The following ZSWIM4 variants were observed in gnomAD, a reference collection of about 807,000 sequenced individuals.
The protein encoded by ZSWIM4 is zinc finger SWIM domain-containing protein 4.
ZSWIM4 carries 62 observed loss-of-function variants against 102.5 expected under a neutral mutation model. The ratio of observed to expected loss-of-function variants is 0.60; its 90% CI spans 0.49 to 0.75. ZSWIM4 has a LOEUF of 0.75. ZSWIM4 is among the 30% of genes least tolerant of loss of function. The pLI, the probability that ZSWIM4 is intolerant of heterozygous loss-of-function variation, is 0.00. For missense variants in ZSWIM4, 1,280 were observed against 1,529.6 expected (o/e 0.84, Z 2.72); for synonymous variants, 652 against 674.5 (o/e 0.97, Z 0.52).
At position 13,814,831 on chromosome 19, in the gene ZSWIM4, G is replaced by C. The variant is rs2145323903; in HGVS notation, c.1497G>C (p.Arg499=). 1.6e-6 allele frequency: 2 copies of C among 1,271,152 alleles called. No homozygotes were observed. The highest frequency in any genetic ancestry group is 1.2e-5 in the South Asian group (1 of 80,206). 78.7% of individuals were successfully genotyped at this position (1,271,152 alleles called of 1,614,324 possible). A position where few individuals can be genotyped will look rare whatever the true frequency, so the allele number is the denominator to read the frequency against. The change falls in exon 7 of 14, where the codon CGG becomes CGC. Residue 499 remains arginine, a synonymous_variant. Transcript: ENST00000590508. The part of the protein sequence containing the change: ...AIINTLRLQQ[R]HQLESYKQQK... ...TCAACACACTCCGGCTGCAGCAGCG[G>C]CATCAGCTAGAGAGCTACAAGCAGC...
chr19:13,817,337 A>G lies in ZSWIM4; in HGVS notation c.1653A>G (p.Thr551=). The change falls in exon 8 of 14, where the codon ACA becomes ACG. Residue 551 remains threonine (T), a synonymous_variant. Transcript: ENST00000590508. ...LLEACRLEEE[T]LTLYPDSGPE... ...AGGCCTGTCGTCTGGAGGAGGAGAC[A>G]CTTACCCTTTACCCAGGTACTCACA... The G allele has an allele frequency of 1.2e-6, 2 of 1,613,610 alleles. No individual in the cohort carries two copies. The highest frequency in any genetic ancestry group is 1.7e-6 in the Non-Finnish European group (2 of 1,179,690).
Position 13,830,870 on chromosome 19 carries a change from C to T in ZSWIM4, c.3141C>T (p.Arg1047=). ...VTAYITTSHS[R]LTHISPRHYG... is the part of the protein sequence containing the mutation. ...CCTACATCACCACCAGCCACTCGCGCCTCACGCACATCAGCCCGCGGCACT... is the reference window on the plus strand; with the variant it reads ...CCTACATCACCACCAGCCACTCGCGTCTCACGCACATCAGCCCGCGGCACT... The change falls in exon 14 of 14, where the codon CGC becomes CGT. Residue 1047 remains arginine (R), a synonymous_variant. Transcript: ENST00000590508. The T allele has an allele frequency of 6.2e-7, 1 of 1,614,064 alleles. No individual in the cohort carries two copies. Among genetic ancestry groups the T allele is most frequent in the Non-Finnish European group, 8.5e-7 (1 of 1,179,950 alleles).
intron 1 of ZSWIM4, among the ~76,000 whole-genome samples, chr19:13,798,551 T>C (rs1974670217): frequency 6.6e-6 from 1 of 152,184 alleles, no homozygotes. Context: ...GCTAGGAGGA[T>C]CCAGGAGGGA....
At chr19:13,826,645 A>G (rs188949909) in intron 12 of ZSWIM4, among the ~76,000 whole-genome samples, 77 of 152,232 alleles carry the variant, frequency 5.1e-4, no homozygotes, top group African/African-American at 1.8e-3. Context: ...CGCGCCTGTA[A>G]TCCCAGCTAC....
chr19:13,803,509 C>G (rs1260241142), intron 2 of ZSWIM4, among the ~76,000 whole-genome samples: 1 of 151,902 alleles, frequency 6.6e-6, no homozygotes, highest in Non-Finnish European at 1.5e-5. Context: ...GGGCTGGGCT[C>G]GGTGGCTCGC....
At chr19:13,811,528 TCAA>T (rs1381829689) in intron 5 of ZSWIM4, among the ~76,000 whole-genome samples, 1 of 151,582 alleles carries the variant, frequency 6.6e-6, no homozygotes, top group Non-Finnish European at 1.5e-5. Context: ...AGACCCTGTC[TCAA>T]CAACAACAAA....
chr19:13,799,300 G>A (rs1472835875), intron 1 of ZSWIM4, among the ~76,000 whole-genome samples: 2 of 135,126 alleles, frequency 1.5e-5, no homozygotes, highest in Non-Finnish European at 3.1e-5. Context: ...TCGAGATGCA[G>A]TCTTGCTCTG....
chr19:13,819,535 G>GGGT, intron 10 of ZSWIM4, 43 bp downstream of exon 10: 2 of 1,317,902 alleles, frequency 1.5e-6, no homozygotes, highest in African/African-American at 1.5e-5. Flanking sequence ...GAGCTGGGGG[G>GGGT]AAGAGGGGCG....
chr19:13,803,904 C>G (rs892232430), intron 2 of ZSWIM4, among the ~76,000 whole-genome samples: 2 of 150,524 alleles, frequency 1.3e-5, no homozygotes, highest in African/African-American at 4.9e-5. Context: ...TTCTGTTACC[C>G]AGGCTGGAGT....
At chr19:13,826,052 G>GT (rs1047694861) in intron 12 of ZSWIM4, among the ~76,000 whole-genome samples, 2 of 152,180 alleles carry the variant, frequency 1.3e-5, no homozygotes, top group African/African-American at 4.8e-5. Context: ...GGGCCTGAGT[G>GT]TGAACCTCAC....
intron 13 of ZSWIM4, among the ~76,000 whole-genome samples, chr19:13,828,960 C>T (rs901464343): frequency 6.6e-6 from 1 of 151,836 alleles, no homozygotes; most frequent in African/African-American, 2.4e-5. Context: ...ATTAGCTGGG[C>T]GTGGTGGCAA....
At chr19:13,818,564 T>C (rs1463800466) in intron 9 of ZSWIM4, among the ~76,000 whole-genome samples, 1 of 152,114 alleles carries the variant, frequency 6.6e-6, no homozygotes, top group Non-Finnish European at 1.5e-5. Context: ...TTCCTTTTCC[T>C]TTTTTCCTTT....
In ZSWIM4 at chr19:13,830,959, A is replaced by G; in HGVS notation, c.3230A>G (p.His1077Arg). Residue 1077 changes from histidine to arginine, a missense_variant, in exon 14 of 14, where the codon CAC becomes CGC. Transcript: ENST00000590508. ...ACCTTCCTGCTGGCGCCCGACGGGC[A>G]CCTCCAGTTCTCACAGTTCTTGGAG... is the stretch of plus-strand genomic sequence containing the variant. ...RETFLLAPDG[H>R]LQFSQFLENL... 1 of 1,614,182 alleles carries G rather than the reference A, an allele frequency of 6.2e-7. No individual in the cohort carries two copies. Among genetic ancestry groups the G allele is most frequent in the South Asian group, 1.1e-5 (1 of 91,090 alleles).
At chr19:13,805,999 T>G (rs112202206) in intron 3 of ZSWIM4, among the ~76,000 whole-genome samples, 2,646 of 146,886 alleles carry the variant, frequency 0.018, 73 homozygotes, top group African/African-American at 0.063. Context: ...TCATGATCAG[T>G]CACTGAGGGC....
At chr19:13,796,974 C>T (rs1380938780) in intron 1 of ZSWIM4, 1 of 152,418 alleles carries the variant, frequency 6.6e-6, no homozygotes, top group East Asian at 1.9e-4. Flanking sequence ...CCAACTGTCC[C>T]TGAGGCCTGG....
chr19:13,818,416 C>T (rs1269198009), intron 9 of ZSWIM4, among the ~76,000 whole-genome samples: 1 of 152,164 alleles, frequency 6.6e-6, no homozygotes, highest in East Asian at 1.9e-4. Flanking sequence ...CCTTCAAGGC[C>T]CCCTACGCTA....
At chr19:13,802,831 A>T (rs552374702) in intron 2 of ZSWIM4, among the ~76,000 whole-genome samples, 7 of 152,232 alleles carry the variant, frequency 4.6e-5, no homozygotes, top group African/African-American at 1.7e-4. Context: ...CTCCTGCCAC[A>T]GCCTCCCAAA....
At position 13,830,245 on chromosome 19, in the gene ZSWIM4, T is replaced by C; in HGVS notation, c.2516T>C (p.Val839Ala). The C allele has an allele frequency of 6.2e-7, 1 of 1,613,892 alleles. No homozygotes were observed. Among genetic ancestry groups the C allele is most frequent in the East Asian group, 2.2e-5 (1 of 44,868 alleles). Residue 839 changes from valine to alanine, a missense_variant, in exon 14 of 14, where the codon GTG (valine) becomes GCG (alanine). Transcript: ENST00000590508. ...MQNWYSLFTPVEAATIVAVTG... is the reference protein window; with the variant it reads ...MQNWYSLFTPAEAATIVAVTG... The stretch of plus-strand genomic sequence containing the variant: ...AACTGGTATTCCTTATTCACACCAG[T>C]GGAGGCGGCTACCATCGTGGCAGTG...
intron 11 of ZSWIM4, 144 bp downstream of exon 11, chr19:13,823,644 T>C: frequency 3.1e-6 from 3 of 968,926 alleles, no homozygotes; most frequent in South Asian, 1.7e-5. Flanking sequence ...TACCGGACAC[T>C]GTCTCAGGTG....
Sources: allele counts gnomAD v4.1 joint callset (sites outside exome capture counted in the v4.1 genomes callset), GRCh38; gene constraint gnomAD v4.1.1; transcripts MANE v1.5; gene names NCBI Gene and HGNC (gene_info 2026-07-23, HGNC 2026-07-21).